Variants in ST8SIA1 observed in about 807,000 individuals in gnomAD.
ST8SIA1 encodes the protein alpha-N-acetylneuraminide alpha-2,8-sialyltransferase.
Under a neutral mutation model 35.9 loss-of-function variants are expected in ST8SIA1, and 16 were observed. That is an observed-to-expected ratio of 0.45 (90% CI 0.30 to 0.68). ST8SIA1 has a LOEUF of 0.68. ST8SIA1 is among the 30% of genes least tolerant of loss of function. The pLI is 0.09. For missense variants in ST8SIA1, 383 were observed against 453.6 expected (o/e 0.84, Z 1.41); for synonymous variants, 170 against 169.6 (o/e 1.00, Z -0.02).
intron 1 of ST8SIA1, among the ~76,000 whole-genome samples, chr12:22,313,607 T>C (rs920861371): frequency 5.3e-5 from 8 of 152,220 alleles, no homozygotes; most frequent in African/African-American, 1.9e-4. Context: ...ATACCCTCGA[T>C]GTTCAACAAC....
At chr12:22,244,817 A>G (rs1397526257) in intron 4 of ST8SIA1, among the ~76,000 whole-genome samples, 1 of 152,080 alleles carries the variant, frequency 6.6e-6, no homozygotes, top group Non-Finnish European at 1.5e-5. Context: ...TAGAGGTTTA[A>G]TTTATTTTTT....
intron 1 of ST8SIA1, among the ~76,000 whole-genome samples, chr12:22,295,583 A>C (rs530576230): frequency 3.9e-4 from 60 of 152,130 alleles, no homozygotes; most frequent in African/African-American, 1.3e-3. Flanking sequence ...AAAAATTTTT[A>C]ATTAGCCTGA....
At chr12:22,229,615 C>CAAAA (rs11290260) in intron 4 of ST8SIA1, among the ~76,000 whole-genome samples, 2 of 93,744 alleles carry the variant, frequency 2.1e-5, no homozygotes, top group Non-Finnish European at 4.4e-5. Context: ...GACCGGGTTT[C>CAAAA]AAAAAAAAAA....
At chr12:22,322,040 T>G (rs995189472) in intron 1 of ST8SIA1, among the ~76,000 whole-genome samples, 1 of 152,222 alleles carries the variant, frequency 6.6e-6, no homozygotes, top group Non-Finnish European at 1.5e-5. Context: ...ACATGTTGCA[T>G]AGGTTAGCAA....
At chr12:22,290,155 T>A (rs1030130774) in intron 1 of ST8SIA1, among the ~76,000 whole-genome samples, 1 of 152,192 alleles carries the variant, frequency 6.6e-6, no homozygotes, top group Admixed American at 6.5e-5. Flanking sequence ...ATACCACTAT[T>A]TGCAATATGA....
In ST8SIA1 at chr12:22,201,490, T is replaced by TG. The variant is rs796879636; in HGVS notation, c.*61dup. The stretch of plus-strand genomic sequence containing the variant: ...ATGAAACAACTTGACCATTCCCTCT[T>TG]GGAGTCACATAGAAAACCTAACAAA... On this transcript the variant is annotated 3_prime_UTR_variant, in exon 5 of 5. Transcript: ENST00000396037. The TG allele has an allele frequency of 1.6e-5, 24 of 1,525,668 alleles. No individual in the cohort carries two copies. The Admixed American group carries it at 2.0e-4, about 12-fold the overall frequency. 94.5% of individuals were successfully genotyped at this position (1,525,668 alleles called of 1,614,324 possible). A position where few individuals can be genotyped will look rare whatever the true frequency, so the allele number is the denominator to read the frequency against.
At chr12:22,266,447 A>T (rs1865849495) in intron 2 of ST8SIA1, among the ~76,000 whole-genome samples, 1 of 151,778 alleles carries the variant, frequency 6.6e-6, no homozygotes, top group African/African-American at 2.4e-5. Context: ...TCAAAATCGA[A>T]GCCTTTATTG....
chr12:22,322,819 CT>C (rs1565596664), intron 1 of ST8SIA1, among the ~76,000 whole-genome samples: 1 of 152,222 alleles, frequency 6.6e-6, no homozygotes, highest in African/African-American at 2.4e-5. Flanking sequence ...TGGGTATGAT[CT>C]GCTGCAGATT....
At chr12:22,216,780 T>C (rs1173374469) in intron 4 of ST8SIA1, among the ~76,000 whole-genome samples, 1 of 152,194 alleles carries the variant, frequency 6.6e-6, no homozygotes, top group East Asian at 1.9e-4. Flanking sequence ...ATGAAATGAG[T>C]GAATTTCTAA....
intron 3 of ST8SIA1, among the ~76,000 whole-genome samples, chr12:22,253,395 T>A (rs909810746): frequency 2.0e-5 from 3 of 152,144 alleles, no homozygotes; most frequent in Non-Finnish European, 2.9e-5. Flanking sequence ...TCTGGCTCCA[T>A]CTCAAGCCAT....
chr12:22,237,608 C>T (rs568738891), intron 4 of ST8SIA1, among the ~76,000 whole-genome samples: 1 of 151,362 alleles, frequency 6.6e-6, no homozygotes, highest in East Asian at 1.9e-4. Flanking sequence ...GTATATTAAT[C>T]CATAATATCT....
At chr12:22,277,286 A>G (rs74070110) in intron 2 of ST8SIA1, among the ~76,000 whole-genome samples, 14,047 of 152,008 alleles carry the variant, frequency 0.092, 789 homozygotes, top group East Asian at 0.15. Context: ...GAGATGTCAC[A>G]CACACCAGTT....
chr12:22,310,625 T>C (rs1866437875), intron 1 of ST8SIA1, among the ~76,000 whole-genome samples: 1 of 152,150 alleles, frequency 6.6e-6, no homozygotes, highest in Non-Finnish European at 1.5e-5. Flanking sequence ...TTAAGGCAAA[T>C]ACAAGTGTGG....
chr12:22,230,641 C>T (rs1011591239), intron 4 of ST8SIA1, among the ~76,000 whole-genome samples: 5 of 151,970 alleles, frequency 3.3e-5, no homozygotes, highest in Admixed American at 3.3e-4. Flanking sequence ...AATGTAAAAC[C>T]ACAGAGAGAA....
Position 22,217,379 on chromosome 12 carries a change from G to T in ST8SIA1, c.585-15341C>A, listed in dbSNP as rs187543118. Among the ~76,000 whole-genome samples, 7 of 152,218 alleles carry T rather than the reference G, an allele frequency of 4.6e-5. No individual in the cohort carries two copies. The East Asian group carries it at 1.4e-3, about 29-fold the overall frequency. On this transcript the variant is annotated intron_variant, in intron 4 of 4. Coordinates refer to ENST00000396037, the MANE Select transcript of ST8SIA1 (RefSeq NM_003034.4). ...CTATCACCATTTAAGTAAAAAAATGGAGATGATGGCGTAAAGCAACACCTT... is the reference window on the plus strand; with the variant it reads ...CTATCACCATTTAAGTAAAAAAATGTAGATGATGGCGTAAAGCAACACCTT...
chr12:22,256,535 T>C (rs1865730138), intron 2 of ST8SIA1, among the ~76,000 whole-genome samples: 1 of 152,164 alleles, frequency 6.6e-6, no homozygotes, highest in Non-Finnish European at 1.5e-5. Flanking sequence ...GCAAATAATA[T>C]GGGTTATTCC....
intron 4 of ST8SIA1, among the ~76,000 whole-genome samples, chr12:22,217,411 T>A (rs1478910015): frequency 2.0e-5 from 3 of 152,204 alleles, no homozygotes. Flanking sequence ...CCTTATATTT[T>A]AAAAATAGAC....
chr12:22,261,233 C>T (rs113098920), intron 2 of ST8SIA1, among the ~76,000 whole-genome samples: 43 of 152,290 alleles, frequency 2.8e-4, no homozygotes, highest in African/African-American at 1.0e-3. Flanking sequence ...CAACCTGAGC[C>T]TCCTGGGTTC....
Position 22,201,768 on chromosome 12 carries a change from A to T in ST8SIA1, c.855T>A (p.Gly285=). 1 of 1,614,118 alleles carries T rather than the reference A, an allele frequency of 6.2e-7. No individual in the cohort carries two copies. Among genetic ancestry groups the T allele is most frequent in the Non-Finnish European group, 8.5e-7 (1 of 1,179,972 alleles). The change falls in exon 5 of 5, where the codon GGT becomes GGA. Residue 285 remains glycine, a synonymous_variant. Transcript: ENST00000396037. ...CATAGATGGCCACCTCTTCACAGAG[A>T]CCCAGAGCTGCGCTCACCAGAAAAA... ...TGLFLVSAAL[G]LCEEVAIYGF...
Sources: allele counts gnomAD v4.1 joint callset (sites outside exome capture counted in the v4.1 genomes callset), GRCh38; gene constraint gnomAD v4.1.1; transcripts MANE v1.5; gene names NCBI Gene and HGNC (gene_info 2026-07-23, HGNC 2026-07-21).